The following FAM184B variants were observed in gnomAD, a reference collection of about 807,000 sequenced individuals.
The protein encoded by FAM184B is protein FAM184B.
Under a neutral mutation model 135.9 loss-of-function variants are expected in FAM184B, and 111 were observed. The ratio of observed to expected loss-of-function variants is 0.82; its 90% confidence interval spans 0.70 to 0.96. FAM184B has a LOEUF of 0.96. Among genes scored for constraint, FAM184B ranks in the 40% least tolerant of loss-of-function variants. FAM184B has a pLI of 0.00. For synonymous variants in FAM184B, 552 were observed against 524.8 expected, an observed-to-expected ratio of 1.05 and a Z score of -0.71; for missense variants, 1,375 against 1,323.9, an observed-to-expected ratio of 1.04 and a Z score of -0.60.
intron 5 of FAM184B, among the ~76,000 whole-genome samples, chr4:17,699,833 C>T (rs895599323): frequency 3.3e-5 from 5 of 151,892 alleles, no homozygotes; most frequent in African/African-American, 7.2e-5. Context: ...TATGGTTGTC[C>T]GTTTAAGCAA....
chr4:17,746,544 A>G (rs1718170327), intron 1 of FAM184B, among the ~76,000 whole-genome samples: 1 of 151,144 alleles, frequency 6.6e-6, no homozygotes, highest in South Asian at 2.1e-4. Flanking sequence ...CATCCTGGCT[A>G]ACACGGTGAA....
intron 10 of FAM184B, among the ~76,000 whole-genome samples, chr4:17,655,488 G>A (rs1577249058): frequency 1.3e-5 from 2 of 152,308 alleles, no homozygotes; most frequent in East Asian, 3.9e-4. Flanking sequence ...AGCTGCTATG[G>A]GAGGGTTACC....
intron 7 of FAM184B, among the ~76,000 whole-genome samples, chr4:17,683,474 G>A (rs530150422): frequency 6.6e-6 from 1 of 152,300 alleles, no homozygotes; most frequent in Admixed American, 6.5e-5. Context: ...GAATGGTGAA[G>A]CAAAGAGACA....
intron 1 of FAM184B, among the ~76,000 whole-genome samples, chr4:17,765,623 C>G (rs1356852033): frequency 1.3e-5 from 2 of 152,218 alleles, no homozygotes; most frequent in Non-Finnish European, 2.9e-5. Context: ...TGTGGATAAA[C>G]TTTTCACCCT....
chr4:17,738,538 A>G (rs1717959021), intron 1 of FAM184B, among the ~76,000 whole-genome samples: 1 of 152,162 alleles, frequency 6.6e-6, no homozygotes, highest in African/African-American at 2.4e-5. Flanking sequence ...TAATGTCATT[A>G]TCCTCCTTTT....
At chr4:17,777,303 G>T (rs553333924) in intron 1 of FAM184B, among the ~76,000 whole-genome samples, 1 of 152,308 alleles carries the variant, frequency 6.6e-6, no homozygotes, top group South Asian at 2.1e-4. Context: ...ATGAATGGTT[G>T]CCTGGGGCTG....
intron 1 of FAM184B, among the ~76,000 whole-genome samples, chr4:17,766,972 C>T (rs1349665016): frequency 6.6e-6 from 1 of 152,190 alleles, no homozygotes; most frequent in Admixed American, 6.5e-5. Context: ...ACCTGAGGCC[C>T]AGCGAGAATT....
intron 1 of FAM184B, among the ~76,000 whole-genome samples, chr4:17,736,326 C>A (rs1422241898): frequency 6.6e-6 from 1 of 152,116 alleles, no homozygotes. Flanking sequence ...AAAGTGAATC[C>A]TAATTCTGTG....
rs1715510692 is a variant in FAM184B, at chr4:17,647,819, A to G, written c.2192-28T>C. ...GGAAAAGGGAGAGCAGCAGTGAGTT[A>G]GGCGTTGGGTCTAGGCTGAAGCCTG... is the stretch of plus-strand genomic sequence containing the variant. On this transcript the variant is annotated intron_variant, in intron 11 of 17. Transcript: ENST00000265018. 2.6e-6 allele frequency: 4 copies of G among 1,510,790 alleles called. No homozygotes were observed. The African/African-American group carries it at 4.2e-5, about 16-fold the overall frequency. 93.6% of individuals were successfully genotyped at this position (1,510,790 alleles called of 1,614,324 possible). A position where few individuals can be genotyped will look rare whatever the true frequency, so the allele number is the denominator to read the frequency against.
intron 1 of FAM184B, among the ~76,000 whole-genome samples, chr4:17,731,008 G>T (rs1050425512): frequency 2.0e-5 from 3 of 152,142 alleles, no homozygotes; most frequent in African/African-American, 7.2e-5. Context: ...CGAAATGAAT[G>T]AAATGAAGCG....
At chr4:17,755,457 G>A (rs1170982747) in intron 1 of FAM184B, among the ~76,000 whole-genome samples, 2 of 152,220 alleles carry the variant, frequency 1.3e-5, no homozygotes, top group Non-Finnish European at 2.9e-5. Flanking sequence ...TACACTGTTG[G>A]TGGGACTGTA....
In FAM184B at chr4:17,766,122, C is replaced by T. The variant is rs145625893; in HGVS notation, c.141+15037G>A. Among the ~76,000 whole-genome samples, 35 of 152,344 alleles carry T rather than the reference C, an allele frequency of 2.3e-4. No individual in the cohort carries two copies. In the East Asian group the frequency reaches 5.4e-3, roughly 23 times the overall value. ...CAAAGAGCAAGATTGGGAAGGTAACCTAACCAGGTTGCCATTGCTGGGTCA... is the reference window on the plus strand; with the variant it reads ...CAAAGAGCAAGATTGGGAAGGTAACTTAACCAGGTTGCCATTGCTGGGTCA... On this transcript the variant is annotated intron_variant, in intron 1 of 17. Coordinates refer to ENST00000265018, the MANE Select transcript of FAM184B (RefSeq NM_015688.2).
chr4:17,754,629 T>C (rs1435788943), intron 1 of FAM184B, among the ~76,000 whole-genome samples: 3 of 151,150 alleles, frequency 2.0e-5, no homozygotes, highest in Admixed American at 2.0e-4. Flanking sequence ...TGACACATCC[T>C]GGGTGGAATA....
chr4:17,662,237 C>T (rs1421431250), intron 8 of FAM184B, among the ~76,000 whole-genome samples: 3 of 152,152 alleles, frequency 2.0e-5, no homozygotes, highest in African/African-American at 7.2e-5. Context: ...TTTGTTTATC[C>T]ACTTTTCTAC....
chr4:17,725,801 TA>T (rs1717625649), intron 1 of FAM184B, among the ~76,000 whole-genome samples: 1 of 152,218 alleles, frequency 6.6e-6, no homozygotes, highest in South Asian at 2.1e-4. Flanking sequence ...GGTTGTGGCA[TA>T]ATGCCCTCTC....
At chr4:17,739,289 G>A (rs1374118357) in intron 1 of FAM184B, among the ~76,000 whole-genome samples, 1 of 152,242 alleles carries the variant, frequency 6.6e-6, no homozygotes, top group East Asian at 1.9e-4. Context: ...TCCAGGCAGA[G>A]GAATCTCAAG....
Position 17,638,199 on chromosome 4 carries a change from T to C in FAM184B, c.2666+1051A>G, listed in dbSNP as rs147812540. The stretch of plus-strand genomic sequence containing the variant: ...CTATTTTTTTTGTTTTGTTTTGTTT[T>C]GTTTTGAGACAGAGTTTCTCTCTCT... On this transcript the variant is annotated intron_variant, in intron 14 of 17. Transcript: ENST00000265018. 3.4e-5 allele frequency among the ~76,000 whole-genome samples: 5 copies of C among 147,042 alleles called. No individual in the cohort carries two copies. In the East Asian group the frequency reaches 1.0e-3, roughly 30 times the overall value.
chr4:17,751,866 C>CACAA (rs1312940744), intron 1 of FAM184B, among the ~76,000 whole-genome samples: 2 of 143,208 alleles, frequency 1.4e-5, no homozygotes, highest in South Asian at 2.3e-4. Flanking sequence ...CACACACACA[C>CACAA]AAAAGAACCA....
At chr4:17,701,468 G>A (rs1012671246) in intron 5 of FAM184B, among the ~76,000 whole-genome samples, 20 of 152,188 alleles carry the variant, frequency 1.3e-4, no homozygotes, top group Admixed American at 1.3e-4. Context: ...ATGCTGAGTG[G>A]AGAGTTGTCA....
Sources: gnomAD v4.1 joint callset for allele counts (sites outside exome capture counted in the v4.1 genomes callset) on GRCh38, gnomAD v4.1.1 for gene constraint, MANE v1.5 for transcripts, NCBI Gene and HGNC (gene_info 2026-07-23, HGNC 2026-07-21) for gene names.